The following WWOX variants were observed in gnomAD, a reference collection of about 807,000 sequenced individuals.
WWOX encodes WW domain containing oxidoreductase, also known as WW domain-containing oxidoreductase.
Under a neutral mutation model 46.2 loss-of-function variants are expected in WWOX, and 69 were observed. The observed-to-expected ratio is 1.49, with a 90% CI of 1.23 to 1.82. WWOX has a LOEUF of 1.82. Ranked by LOEUF, WWOX falls within the 40% of genes most tolerant of loss-of-function variation. The probability of loss-of-function intolerance (pLI) is 0.00; values close to 1 mark genes in which losing one functional copy is unlikely to be tolerated. For missense variants in WWOX, 919 were observed against 542.6 expected, an observed-to-expected ratio of 1.69 and a Z score of -6.89; for synonymous variants, 359 against 202.6, an observed-to-expected ratio of 1.77 and a Z score of -6.56.
chr16:78,829,874 T>C (rs2051768364), intron 8 of WWOX, among the ~76,000 whole-genome samples: 1 of 152,162 alleles, frequency 6.6e-6, no homozygotes, highest in Non-Finnish European at 1.5e-5. Context: ...GAAAAGCTGT[T>C]GAGCACCAGA....
chr16:78,704,677 G>A (rs1035278528), intron 8 of WWOX, among the ~76,000 whole-genome samples: 1 of 152,150 alleles, frequency 6.6e-6, no homozygotes, highest in Non-Finnish European at 1.5e-5. Flanking sequence ...AAATGATTAT[G>A]ACATGTTAAA....
At chr16:78,599,647 C>T (rs569438132) in intron 8 of WWOX, among the ~76,000 whole-genome samples, 2 of 152,228 alleles carry the variant, frequency 1.3e-5, no homozygotes, top group East Asian at 1.9e-4. Flanking sequence ...CATTTGCTCC[C>T]GAGTCTCAGA....
chr16:78,377,454 C>T (rs367925559), intron 5 of WWOX, among the ~76,000 whole-genome samples: 1 of 152,108 alleles, frequency 6.6e-6, no homozygotes, highest in Non-Finnish European at 1.5e-5. Context: ...TCTTTACTTG[C>T]CTGCAATCCT....
At chr16:78,340,201 CTT>C (rs199760062) in intron 5 of WWOX, among the ~76,000 whole-genome samples, 6 of 100,600 alleles carry the variant, frequency 6.0e-5, no homozygotes, top group Admixed American at 1.0e-4. Context: ...TGATGATAGT[CTT>C]TTTTTTTTTT....
intron 8 of WWOX, among the ~76,000 whole-genome samples, chr16:78,841,269 G>T (rs1265547046): frequency 1.3e-5 from 2 of 152,168 alleles, no homozygotes; most frequent in African/African-American, 4.8e-5. Flanking sequence ...GAAACATCAT[G>T]CAGCACTGCT....
intron 8 of WWOX, among the ~76,000 whole-genome samples, chr16:78,721,957 C>T (rs1391862073): frequency 1.3e-5 from 2 of 152,210 alleles, no homozygotes; most frequent in Non-Finnish European, 2.9e-5. Flanking sequence ...TACTTTTTGC[C>T]TATTAAGCAG....
chr16:78,366,969 ATTTTTTTTT>A (rs544239767), intron 5 of WWOX, among the ~76,000 whole-genome samples: 18 of 74,244 alleles, frequency 2.4e-4, no homozygotes, highest in Admixed American at 9.3e-4. Flanking sequence ...CAAAAGTTAC[ATTTTTTTTT>A]TTTTTTTTTT....
At chr16:78,215,295 C>T (rs1451878458) in intron 5 of WWOX, among the ~76,000 whole-genome samples, 1 of 152,190 alleles carries the variant, frequency 6.6e-6, no homozygotes, top group East Asian at 1.9e-4. Context: ...GCTGTGTCCC[C>T]ACCCAAATCT....
At chr16:78,875,019 T>A (rs2044207556) in intron 8 of WWOX, among the ~76,000 whole-genome samples, 1 of 152,190 alleles carries the variant, frequency 6.6e-6, no homozygotes, top group Non-Finnish European at 1.5e-5. Context: ...AATCTTTCAA[T>A]ATCCTATGCT....
At chr16:79,125,205 G>A (rs1227965585) in intron 8 of WWOX, among the ~76,000 whole-genome samples, 1 of 152,098 alleles carries the variant, frequency 6.6e-6, no homozygotes, top group Admixed American at 6.5e-5. Context: ...CCTTATAGAT[G>A]TATATTACAG....
intron 8 of WWOX, among the ~76,000 whole-genome samples, chr16:78,443,250 A>T (rs751105888): frequency 1.3e-5 from 2 of 151,736 alleles, no homozygotes; most frequent in East Asian, 3.9e-4. Flanking sequence ...GGTTGCAGTG[A>T]GCTGACATCG....
chr16:78,379,712 G>C (rs1169987258), intron 5 of WWOX, among the ~76,000 whole-genome samples: 2 of 152,184 alleles, frequency 1.3e-5, no homozygotes, highest in Non-Finnish European at 2.9e-5. Flanking sequence ...TGGGATAGGA[G>C]AGCGAACTCA....
chr16:78,259,459 T>C (rs1455576161), intron 5 of WWOX, among the ~76,000 whole-genome samples: 1 of 144,820 alleles, frequency 6.9e-6, no homozygotes, highest in Non-Finnish European at 1.5e-5. Context: ...GCCGACTAGC[T>C]GGGACTACAG....
chr16:78,109,031 A>G (rs908889310), intron 2 of WWOX, among the ~76,000 whole-genome samples: 1 of 152,146 alleles, frequency 6.6e-6, no homozygotes, highest in Non-Finnish European at 1.5e-5. Context: ...AAAATAATTG[A>G]GGCCTTTGAT....
chr16:79,120,183 C>T (rs1195249964), intron 8 of WWOX, among the ~76,000 whole-genome samples: 2 of 152,210 alleles, frequency 1.3e-5, no homozygotes. Context: ...CCTGTGAGGC[C>T]AGGGGGCTCA....
intron 8 of WWOX, among the ~76,000 whole-genome samples, chr16:78,776,638 A>G (rs1445943838): frequency 6.6e-6 from 1 of 152,164 alleles, no homozygotes. Context: ...CACTGCTATA[A>G]AAAACTGCCC....
At chr16:78,705,889 A>T (rs1270492374) in intron 8 of WWOX, among the ~76,000 whole-genome samples, 4 of 152,098 alleles carry the variant, frequency 2.6e-5, no homozygotes, top group Non-Finnish European at 5.9e-5. Context: ...TTGAGTAAGG[A>T]ATATGACCTG....
intron 8 of WWOX, among the ~76,000 whole-genome samples, chr16:78,824,857 G>T (rs753996227): frequency 3.3e-5 from 5 of 152,154 alleles, no homozygotes; most frequent in African/African-American, 1.2e-4. Context: ...CAGGGTCCTA[G>T]GCAACTTTGT....
chr16:78,601,322 G>A (rs2045616779), intron 8 of WWOX, among the ~76,000 whole-genome samples: 1 of 152,034 alleles, frequency 6.6e-6, no homozygotes, highest in African/African-American at 2.4e-5. Context: ...TAAACTGTTG[G>A]AGACAGATTC....
Sources: allele counts gnomAD v4.1 joint callset (sites outside exome capture counted in the v4.1 genomes callset), GRCh38; gene constraint gnomAD v4.1.1; transcripts MANE v1.5; gene names NCBI Gene and HGNC (gene_info 2026-07-23, HGNC 2026-07-21).